Variants in PRIM2 observed in about 807,000 individuals in gnomAD.
The protein encoded by PRIM2 is DNA primase subunit 2.
A neutral mutation model predicts 67.3 loss-of-function variants in PRIM2; 39 were observed. The ratio of observed to expected loss-of-function variants is 0.58; its 90% CI spans 0.45 to 0.76. The LOEUF (loss-of-function observed/expected upper bound fraction) is 0.76, where lower values mean the gene tolerates loss of function less well. Among genes scored for constraint, PRIM2 ranks in the 30% least tolerant of loss-of-function variants. The pLI, the probability that PRIM2 is intolerant of heterozygous loss-of-function variation, is 0.00. For synonymous variants in PRIM2, 143 were observed against 198.7 expected, an observed-to-expected ratio of 0.72 and a Z score of 2.36; for missense variants, 398 against 598.7, an observed-to-expected ratio of 0.66 and a Z score of 3.50.
At chr6:57,302,345 A>G in the PRIM2 span, among the ~76,000 whole-genome samples, 5 of 152,196 alleles carry the variant, frequency 3.3e-5, no homozygotes. Context: ...ATTTAAGTAC[A>G]TACTTGAATC....
At chr6:57,285,627 A>C in the PRIM2 span, among the ~76,000 whole-genome samples, 1 of 152,232 alleles carries the variant, frequency 6.6e-6, no homozygotes, top group Admixed American at 6.5e-5. Flanking sequence ...ATATCTCAAA[A>C]TAATAAGAGC....
At chr6:57,465,510 T>G (rs572329797) in intron 7 of PRIM2, among the ~76,000 whole-genome samples, 1 of 152,178 alleles carries the variant, frequency 6.6e-6, no homozygotes, top group African/African-American at 2.4e-5. Context: ...TTTTGGACTT[T>G]GTCGCAGATC....
intron 10 of PRIM2, among the ~76,000 whole-genome samples, chr6:57,596,074 G>A (rs1313183824): frequency 5.3e-5 from 8 of 151,908 alleles, no homozygotes; most frequent in African/African-American, 7.3e-5. Flanking sequence ...TAGAAACTGG[G>A]GCCACAGACC....
upstream of PRIM2, among the ~76,000 whole-genome samples, chr6:57,313,246 T>G (rs1767421204): frequency 6.6e-6 from 1 of 152,232 alleles, no homozygotes; most frequent in Admixed American, 6.5e-5. Flanking sequence ...CTTGAAAAAC[T>G]TTACATTCTT....
chr6:57,451,108 A>G lies in PRIM2; in HGVS notation c.694-56279A>G, dbSNP rs1235005952. 4.1e-4 allele frequency among the ~76,000 whole-genome samples: 62 copies of G among 152,268 alleles called. 1 individual carries two copies. Among genetic ancestry groups the G allele is most frequent in the Non-Finnish European group, 6.5e-4 (44 of 68,024 alleles). On this transcript the variant is annotated intron_variant, in intron 7 of 13. Transcript: ENST00000615550. ...TTTGATGATGCATGAATGTTACCTT[A>G]TAACTAAATGTGATATAGTAAAATT...
At chr6:57,377,502 T>C (rs1232490504) in intron 5 of PRIM2, among the ~76,000 whole-genome samples, 7 of 151,306 alleles carry the variant, frequency 4.6e-5, no homozygotes, top group Non-Finnish European at 1.0e-4. Context: ...TTTTTTTTCA[T>C]TGGCCTGGGG....
the PRIM2 span, among the ~76,000 whole-genome samples, chr6:57,297,303 A>G: frequency 6.6e-6 from 1 of 152,016 alleles, no homozygotes; most frequent in Admixed American, 6.6e-5. Flanking sequence ...TTAGCCGGGC[A>G]TGGTGGCGGG....
chr6:57,568,215 C>T (rs1339127765), intron 10 of PRIM2, among the ~76,000 whole-genome samples: 65 of 152,160 alleles, frequency 4.3e-4, no homozygotes, highest in African/African-American at 1.5e-3. Context: ...TATGCCCAGT[C>T]CAATTTTCTA....
intron 5 of PRIM2, among the ~76,000 whole-genome samples, chr6:57,339,299 C>G (rs1387464954): frequency 2.6e-5 from 4 of 152,098 alleles, no homozygotes; most frequent in Non-Finnish European, 5.9e-5. Context: ...TTTACAGATT[C>G]AATGCCATCC....
At chr6:57,364,198 A>G (rs1769281380) in intron 5 of PRIM2, among the ~76,000 whole-genome samples, 1 of 151,878 alleles carries the variant, frequency 6.6e-6, no homozygotes, top group South Asian at 2.1e-4. Context: ...GATAATTCTA[A>G]GAGTTAAAAT....
At chr6:57,505,878 C>T (rs1230895611) in intron 7 of PRIM2, among the ~76,000 whole-genome samples, 2 of 152,048 alleles carry the variant, frequency 1.3e-5, no homozygotes, top group Non-Finnish European at 2.9e-5. Flanking sequence ...ACTCTGTCTG[C>T]TCTGTTTTCA....
At chr6:57,624,513 C>T (rs1232241628) in intron 12 of PRIM2, among the ~76,000 whole-genome samples, 2 of 151,906 alleles carry the variant, frequency 1.3e-5, no homozygotes, top group South Asian at 2.1e-4. Flanking sequence ...ATTCAGAGTG[C>T]CAGAGGGGAA....
the PRIM2 span, among the ~76,000 whole-genome samples, chr6:57,277,561 C>T: frequency 5.3e-5 from 8 of 152,036 alleles, no homozygotes; most frequent in Non-Finnish European, 1.0e-4. Flanking sequence ...AAGCAGAGTA[C>T]CTTGGGAACA....
intron 5 of PRIM2, among the ~76,000 whole-genome samples, chr6:57,369,479 G>A (rs1769473781): frequency 1.3e-5 from 2 of 152,202 alleles, no homozygotes; most frequent in African/African-American, 4.8e-5. Context: ...TGACTGTTGA[G>A]TGGGTGGATA....
chr6:57,466,538 A>G lies in PRIM2; in HGVS notation c.694-40849A>G, dbSNP rs1773198656. On this transcript the variant is annotated intron_variant, in intron 7 of 13. Transcript: ENST00000615550. Reference sequence around the variant, plus strand: ...TCTAACTGGTGTGAGATGGTATCCCATTGTGGTTTTGATTTGCATTTCTCT... The same window carrying G: ...TCTAACTGGTGTGAGATGGTATCCCGTTGTGGTTTTGATTTGCATTTCTCT... Among the ~76,000 whole-genome samples the G allele has an allele frequency of 2.0e-5, 3 of 152,240 alleles. No individual in the cohort carries two copies. The South Asian group carries it at 6.2e-4, about 32-fold the overall frequency.
rs1582013704 is a variant in PRIM2, at chr6:57,601,103, G to T, written c.1031G>T (p.Gly344Val). ...GKMDPDKFDKGYSYNIRHSFG... is the reference protein window; with the variant it reads ...GKMDPDKFDKVYSYNIRHSFG... ...TTTCCTCCCAATCAGTTTGATAAAG[G>T]TTACTCTTACAACATCCGTCACAGC... The change falls in exon 11 of 14, where the codon GGT becomes GTT. Residue 344 changes from glycine to valine, a missense_variant. By Grantham distance (109) the Gly-to-Val change is moderately radical (BLOSUM62 -3). This residue lies in a region of PRIM2 where 229 missense variants were observed against 383.6 expected (regional missense o/e 0.60). Transcript: ENST00000615550. The T allele has an allele frequency of 1.9e-6, 3 of 1,609,774 alleles. No homozygotes were observed. The highest frequency in any genetic ancestry group is 2.2e-5 in the South Asian group (2 of 90,332).
intron 7 of PRIM2, among the ~76,000 whole-genome samples, chr6:57,397,747 CT>C (rs1581862397): frequency 6.6e-6 from 1 of 151,920 alleles, no homozygotes; most frequent in Non-Finnish European, 1.5e-5. Flanking sequence ...GTTTGTTGGT[CT>C]TTTGAATGGT....
chr6:57,479,459 G>A (rs1167630595), intron 7 of PRIM2, among the ~76,000 whole-genome samples: 1 of 152,094 alleles, frequency 6.6e-6, no homozygotes, highest in Non-Finnish European at 1.5e-5. Context: ...GATTCATCTT[G>A]TTTTTCAGGT....
chr6:57,296,523 T>C, the PRIM2 span, among the ~76,000 whole-genome samples: 1 of 152,040 alleles, frequency 6.6e-6, no homozygotes, highest in Non-Finnish European at 1.5e-5. Flanking sequence ...CAAATTAAAC[T>C]GTAAATTGTA....
Sources: allele counts gnomAD v4.1 joint callset (sites outside exome capture counted in the v4.1 genomes callset), GRCh38; gene constraint gnomAD v4.1.1; regional missense constraint gnomAD v4.1.1; transcripts MANE v1.5; gene names NCBI Gene and HGNC (gene_info 2026-07-23, HGNC 2026-07-21).